FAT3: variants seen among roughly 807,000 people sequenced by gnomAD.
The protein encoded by FAT3 is protocadherin Fat 3.
A neutral mutation model predicts 310.2 loss-of-function variants in FAT3; 95 were observed. That is an observed-to-expected ratio of 0.31 (90% CI 0.26 to 0.36). The LOEUF (loss-of-function observed/expected upper bound fraction) is 0.36, where lower values mean the gene tolerates loss of function less well. Ranked by LOEUF, FAT3 falls within the 10% of genes least tolerant of loss-of-function variation. The probability of loss-of-function intolerance (pLI) is 1.00; values close to 1 mark genes in which losing one functional copy is unlikely to be tolerated. For missense variants in FAT3, 5,408 were observed against 5,715.6 expected (o/e 0.95, Z 1.74); for synonymous variants, 2,314 against 2,192.9 (o/e 1.06, Z -1.54).
intron 3 of FAT3, among the ~76,000 whole-genome samples, chr11:92,572,811 A>T (rs184364319): frequency 2.6e-4 from 39 of 152,334 alleles, no homozygotes; most frequent in Non-Finnish European, 5.1e-4. Context: ...CTTATAATTT[A>T]AGCATTTGAT....
At chr11:92,594,562 A>G (rs764203012) in intron 3 of FAT3, among the ~76,000 whole-genome samples, 10 of 152,156 alleles carry the variant, frequency 6.6e-5, no homozygotes, top group Non-Finnish European at 1.2e-4. Flanking sequence ...TATTTATTCA[A>G]TCAGCCTGCT....
intron 25 of FAT3, 122 bp from the exon 26 acceptor site, chr11:92,889,067 G>T (rs745335561): frequency 1.9e-6 from 1 of 537,778 alleles, no homozygotes; most frequent in Non-Finnish European, 3.3e-6. Context: ...GGCTTTGGGT[G>T]TTTGCATGCC....
intron 1 of FAT3, among the ~76,000 whole-genome samples, chr11:92,237,077 C>T (rs781441862): frequency 6.6e-6 from 1 of 152,066 alleles, no homozygotes; most frequent in Non-Finnish European, 1.5e-5. Context: ...TGGCACAATT[C>T]CAGCATCATG....
chr11:92,550,748 T>G (rs1160835523), intron 3 of FAT3, among the ~76,000 whole-genome samples: 2 of 150,426 alleles, frequency 1.3e-5, no homozygotes, highest in Admixed American at 1.3e-4. Flanking sequence ...CCTTGTTCCT[T>G]TCACCTGGTT....
intron 1 of FAT3, among the ~76,000 whole-genome samples, chr11:92,303,333 G>A (rs1437365589): frequency 6.6e-6 from 1 of 151,844 alleles, no homozygotes; most frequent in African/African-American, 2.4e-5. Context: ...CCCCTCTATT[G>A]CACATGATAA....
intron 24 of FAT3, among the ~76,000 whole-genome samples, chr11:92,886,000 G>A (rs1000305854): frequency 1.3e-5 from 2 of 152,100 alleles, no homozygotes; most frequent in African/African-American, 4.8e-5. Context: ...CTGTGGCCAC[G>A]GAGAGGAACA....
chr11:92,789,233 G>T (rs958577560), intron 7 of FAT3, among the ~76,000 whole-genome samples: 9 of 152,136 alleles, frequency 5.9e-5, no homozygotes, highest in Non-Finnish European at 1.2e-4. Context: ...GTGGGAATAG[G>T]CAGGGATGAG....
intron 19 of FAT3, among the ~76,000 whole-genome samples, chr11:92,853,606 A>G (rs1323246110): frequency 6.6e-6 from 1 of 152,106 alleles, no homozygotes; most frequent in Non-Finnish European, 1.5e-5. Context: ...CAAGGTGGAG[A>G]GGAGCTTCAC....
At chr11:92,657,917 A>G (rs1175729100) in intron 3 of FAT3, among the ~76,000 whole-genome samples, 1 of 152,162 alleles carries the variant, frequency 6.6e-6, no homozygotes, top group Non-Finnish European at 1.5e-5. Context: ...CATTATATAG[A>G]CCAGCGCTGT....
At chr11:92,678,704 T>C (rs1943371347) in intron 3 of FAT3, among the ~76,000 whole-genome samples, 1 of 152,208 alleles carries the variant, frequency 6.6e-6, no homozygotes, top group South Asian at 2.1e-4. Context: ...TTCTTAAATA[T>C]ATTCCAAGCT....
intron 2 of FAT3, among the ~76,000 whole-genome samples, chr11:92,440,670 T>C (rs960722106): frequency 6.6e-6 from 1 of 152,178 alleles, no homozygotes; most frequent in East Asian, 1.9e-4. Flanking sequence ...AGAGATAAAG[T>C]AGAATGCCAT....
chr11:92,552,569 T>C (rs1031425679), intron 3 of FAT3, among the ~76,000 whole-genome samples: 2 of 152,084 alleles, frequency 1.3e-5, no homozygotes, highest in African/African-American at 4.8e-5. Context: ...AAGATGAAAA[T>C]GAGTTCATAT....
At chr11:92,523,536 A>G (rs902107954) in intron 2 of FAT3, among the ~76,000 whole-genome samples, 2 of 152,190 alleles carry the variant, frequency 1.3e-5, no homozygotes, top group Non-Finnish European at 2.9e-5. Flanking sequence ...TGCAGGGTCT[A>G]TAGGCTAAGT....
intron 3 of FAT3, among the ~76,000 whole-genome samples, chr11:92,589,477 A>G (rs767512677): frequency 1.1e-4 from 17 of 152,126 alleles, no homozygotes; most frequent in Non-Finnish European, 1.9e-4. Context: ...TCAAGTATGA[A>G]GAAATAGAGC....
intron 2 of FAT3, among the ~76,000 whole-genome samples, chr11:92,439,821 C>T (rs1217570842): frequency 6.6e-6 from 1 of 151,870 alleles, no homozygotes; most frequent in African/African-American, 2.4e-5. Flanking sequence ...GAGGCTGAGG[C>T]GGGAGGGTCA....
intron 2 of FAT3, chr11:92,366,640 A>G (rs1949030239): frequency 1.9e-6 from 1 of 534,410 alleles, no homozygotes; most frequent in South Asian, 1.4e-5. Flanking sequence ...CAGCTCCATG[A>G]TAGCCTCTTC....
Position 92,442,083 on chromosome 11 carries a change from A to T in FAT3, c.3293-82551A>T, listed in dbSNP as rs1330014802. Among the ~76,000 whole-genome samples, 291 of 63,124 alleles carry T rather than the reference A, an allele frequency of 4.6e-3. 4 individuals carry two copies. The highest frequency in any genetic ancestry group is 0.021 in the African/African-American group (205 of 9,926). 41.4% of individuals were successfully genotyped at this position (63,124 alleles called of 152,430 possible). A position where few individuals can be genotyped will look rare whatever the true frequency, so the allele number is the denominator to read the frequency against. The stretch of plus-strand genomic sequence containing the variant: ...GCAAAACTTAAGAAATATATATTTT[A>T]TATATATATATATATATATATATAT... On this transcript the variant is annotated intron_variant, in intron 2 of 27. Coordinates refer to ENST00000525166, the MANE Select transcript of FAT3 (RefSeq NM_001367949.2).
At chr11:92,747,958 C>T (rs1172200651) in intron 4 of FAT3, among the ~76,000 whole-genome samples, 2 of 152,306 alleles carry the variant, frequency 1.3e-5, no homozygotes, top group South Asian at 2.1e-4. Flanking sequence ...TCTTCTGAGC[C>T]CTCCAAACTG....
chr11:92,657,752 GATGAAATCT>G (rs1428076766), intron 3 of FAT3, among the ~76,000 whole-genome samples: 1 of 152,210 alleles, frequency 6.6e-6, no homozygotes, highest in Non-Finnish European at 1.5e-5. Flanking sequence ...AGAACGGGTT[GATGAAATCT>G]AAATTAGTAG....
Sources: gnomAD v4.1 joint callset for allele counts (sites outside exome capture counted in the v4.1 genomes callset) on GRCh38, gnomAD v4.1.1 for gene constraint, MANE v1.5 for transcripts, NCBI Gene and HGNC (gene_info 2026-07-23, HGNC 2026-07-21) for gene names.